The following IVD variants were observed in gnomAD, a reference collection of about 807,000 sequenced individuals.
IVD encodes isovaleryl-CoA dehydrogenase, mitochondrial.
Under a neutral mutation model 51.3 loss-of-function variants are expected in IVD, and 31 were observed. That is an observed-to-expected ratio of 0.60 (90% confidence interval 0.45 to 0.81). The LOEUF is 0.81. Among genes scored for constraint, IVD ranks in the 40% least tolerant of loss-of-function variants. The probability of loss-of-function intolerance (pLI) is 0.00; values close to 1 mark genes in which losing one functional copy is unlikely to be tolerated. For synonymous variants in IVD, 205 were observed against 219.4 expected (o/e 0.93, Z 0.58); for missense variants, 475 against 552.0 (o/e 0.86, Z 1.40).
chr15:40,410,777 A>G lies in IVD; in HGVS notation c.436A>G (p.Lys146Glu), dbSNP rs1448656950. The stretch of plus-strand genomic sequence containing the variant: ...TGTACGCAATGGGAATGAGGCCCAG[A>G]AAGAGAAGTATCTCCCGAAGGTGAG... ...QLVRNGNEAQ[K>E]EKYLPKLISG... The change falls in exon 4 of 12, where the codon AAA (lysine) becomes GAA (glutamate). Residue 146 changes from lysine to glutamate, a missense_variant. Coordinates refer to ENST00000487418, the MANE Select transcript of IVD (RefSeq NM_002225.5). 6 of 1,614,104 alleles carry G rather than the reference A, an allele frequency of 3.7e-6. No homozygotes were observed. Among genetic ancestry groups the G allele is most frequent in the African/African-American group, 1.3e-5 (1 of 74,948 alleles).
chr15:40,416,595 G>A (rs549212475), intron 11 of IVD, among the ~76,000 whole-genome samples: 3 of 152,166 alleles, frequency 2.0e-5, no homozygotes, highest in Non-Finnish European at 4.4e-5. Flanking sequence ...TACTTGGGAG[G>A]CTGAGGCAGG....
In IVD at chr15:40,415,197, GC is replaced by G. The variant is rs540524050; in HGVS notation, c.879-203del. ...AAGTAACAGACAAAAGGCCTGAGGA[GC>G]AGGGTGGCTTACTCGGCTGTGAAAC... On this transcript the variant is annotated intron_variant, in intron 8 of 11. Transcript: ENST00000487418. 81 of 735,186 alleles carry G rather than the reference GC, an allele frequency of 1.1e-4. 1 individual carries two copies. The South Asian group carries it at 1.3e-3, about 12-fold the overall frequency. The allele number at this position is 735,186 out of a possible 1,614,324, so 45.5% of individuals were successfully genotyped here. A position where few individuals can be genotyped will look rare whatever the true frequency, so the allele number is the denominator to read the frequency against.
rs1462756619 is a variant in IVD, at chr15:40,420,162, C to G, written c.*1899C>G. 4.1e-6 allele frequency: 4 copies of G among 985,722 alleles called. No individual in the cohort carries two copies. The highest frequency in any genetic ancestry group is 3.6e-6 in the Non-Finnish European group (3 of 830,156). 61.1% of individuals were successfully genotyped at this position (985,722 alleles called of 1,614,324 possible). On this transcript the variant is annotated 3_prime_UTR_variant, in exon 12 of 12. Coordinates refer to ENST00000487418, the MANE Select transcript of IVD (RefSeq NM_002225.5). ...TGCTGAGTCCGCAGGGGGGGCAGAG[C>G]AGAGGACAGCGTGCTTTTGTGTACT... is the stretch of plus-strand genomic sequence containing the variant.
chr15:40,421,632 A>G (rs1039896361), downstream of IVD, among the ~76,000 whole-genome samples: 3 of 152,222 alleles, frequency 2.0e-5, no homozygotes, highest in African/African-American at 7.2e-5. Context: ...ACCTAATCAC[A>G]TCCCCAAGGG....
intron 3 of IVD, 28 bp downstream of exon 3, chr15:40,408,018 A>G: frequency 6.2e-7 from 1 of 1,605,488 alleles, no homozygotes; most frequent in African/African-American, 1.3e-5. Flanking sequence ...CCCTAAAAAG[A>G]ACTTTTCTTA....
Position 40,419,209 on chromosome 15 carries a change from A to G in IVD, c.*946A>G. 1 of 1,289,406 alleles carries G rather than the reference A, an allele frequency of 7.8e-7. No individual in the cohort carries two copies. Among genetic ancestry groups the G allele is most frequent in the Non-Finnish European group, 1.0e-6 (1 of 988,876 alleles). 79.9% of individuals were successfully genotyped at this position (1,289,406 alleles called of 1,614,324 possible). A position where few individuals can be genotyped will look rare whatever the true frequency, so the allele number is the denominator to read the frequency against. ...TAGAGGTATCAGCTCCTAGCAGCTTATGAACACATATGCTTGCTTGGCCAG... is the reference window on the plus strand; with the variant it reads ...TAGAGGTATCAGCTCCTAGCAGCTTGTGAACACATATGCTTGCTTGGCCAG... On this transcript the variant is annotated 3_prime_UTR_variant, in exon 12 of 12. Transcript: ENST00000487418.
In IVD at chr15:40,405,928, C is replaced by G; in HGVS notation, c.101C>G (p.Pro34Arg). 1 of 1,613,024 alleles carries G rather than the reference C, an allele frequency of 6.2e-7. No individual in the cohort carries two copies. Among genetic ancestry groups the G allele is most frequent in the Non-Finnish European group, 8.5e-7 (1 of 1,179,798 alleles). ...TCCCAGCGGGCCCACTCGCTTTTGC[C>G]CGTGGACGATGCAATCAATGGGCTA... ...FVSQRAHSLL[P>R]VDDAINGLSE... is the part of the protein sequence containing the mutation. Residue 34 changes from proline to arginine, a missense_variant, in exon 1 of 12, where the codon CCC (proline) becomes CGC (arginine). Transcript: ENST00000487418.
downstream of IVD, chr15:40,435,746 G>C (rs1423793011): frequency 2.0e-6 from 2 of 985,302 alleles, no homozygotes; most frequent in Non-Finnish European, 2.4e-6. Flanking sequence ...CTGGTACTCG[G>C]CGCTTGGGGT....
chr15:40,415,190 C>T (rs1230510429), intron 8 of IVD: 4 of 744,200 alleles, frequency 5.4e-6, no homozygotes, highest in Non-Finnish European at 6.6e-6. Context: ...GACAAAAGGC[C>T]TGAGGAGCAG....
chr15:40,412,824 G>A lies in IVD; in HGVS notation c.688-167G>A, dbSNP rs118083810. 113 of 629,236 alleles carry A rather than the reference G, an allele frequency of 1.8e-4. 2 individuals carry two copies. In the East Asian group the frequency reaches 2.9e-3, roughly 16 times the overall value. The allele number at this position is 629,236 out of a possible 1,614,324, so 39.0% of individuals were successfully genotyped here. On this transcript the variant is annotated intron_variant, in intron 6 of 11. Coordinates refer to ENST00000487418, the MANE Select transcript of IVD (RefSeq NM_002225.5). The stretch of plus-strand genomic sequence containing the variant: ...GAGGAGGCTGGGATCAATCTGGGGC[G>A]TTAGCACCGGAAGGTCCCGGGGGGA...
intron 7 of IVD, among the ~76,000 whole-genome samples, chr15:40,413,947 G>A (rs1349822727): frequency 1.3e-5 from 2 of 151,950 alleles, no homozygotes; most frequent in Non-Finnish European, 2.9e-5. Flanking sequence ...TGCAACCTCC[G>A]CCCCCTGGGT....
In IVD at chr15:40,418,830, A is replaced by T; in HGVS notation, c.*567A>T. The T allele has an allele frequency of 1.0e-6, 1 of 980,956 alleles. No homozygotes were observed. The allele number at this position is 980,956 out of a possible 1,614,324, so 60.8% of individuals were successfully genotyped here. ...AACTTTCAGTCTCTTTTCTGGGGGAAAAAAATAATAAACCTAGCCTAGCCA... is the reference window on the plus strand; with the variant it reads ...AACTTTCAGTCTCTTTTCTGGGGGATAAAAATAATAAACCTAGCCTAGCCA... On this transcript the variant is annotated 3_prime_UTR_variant, in exon 12 of 12. Transcript: ENST00000487418.
At chr15:40,415,106 C>G in intron 8 of IVD, 124 bp downstream of exon 8, 1 of 1,126,954 alleles carries the variant, frequency 8.9e-7, no homozygotes, top group East Asian at 2.6e-5. Context: ...CCTGCTCTCT[C>G]CTGGGAGATG....
At chr15:40,411,378 C>G (rs767652612) in intron 5 of IVD, 25 bp downstream of exon 5, 1 of 1,611,308 alleles carries the variant, frequency 6.2e-7, no homozygotes, top group Non-Finnish European at 8.5e-7. Context: ...AACTTGGGAG[C>G]CAAAATGGGC....
downstream of IVD, among the ~76,000 whole-genome samples, chr15:40,429,275 G>A (rs999915514): frequency 2.0e-5 from 3 of 152,162 alleles, no homozygotes; most frequent in Non-Finnish European, 2.9e-5. Flanking sequence ...CAGCCCACAC[G>A]AGTGACCTGC....
intron 1 of IVD, chr15:40,406,476 C>A: frequency 1.7e-6 from 1 of 580,718 alleles, no homozygotes; most frequent in Non-Finnish European, 2.8e-6. Flanking sequence ...GGTCAAAACA[C>A]AAAAGTTGAA....
chr15:40,415,212 C>G, intron 8 of IVD, 189 bp from the exon 9 acceptor site: 1 of 733,120 alleles, frequency 1.4e-6, no homozygotes, highest in Non-Finnish European at 2.3e-6. Flanking sequence ...GTGGCTTACT[C>G]GGCTGTGAAA....
At position 40,418,497 on chromosome 15, in the gene IVD, G is replaced by T. The variant is rs1219811210; in HGVS notation, c.*234G>T. 7 of 1,354,614 alleles carry T rather than the reference G, an allele frequency of 5.2e-6. No homozygotes were observed. The highest frequency in any genetic ancestry group is 6.7e-6 in the Non-Finnish European group (7 of 1,047,170). 83.9% of individuals were successfully genotyped at this position (1,354,614 alleles called of 1,614,324 possible). A position where few individuals can be genotyped will look rare whatever the true frequency, so the allele number is the denominator to read the frequency against. The stretch of plus-strand genomic sequence containing the variant: ...TGATTTAAAATGGACTCAGCAGGAA[G>T]CATATTGTCTGGGGATTGTTGGGAC... On this transcript the variant is annotated 3_prime_UTR_variant, in exon 12 of 12. Transcript: ENST00000487418.
intron 1 of IVD, among the ~76,000 whole-genome samples, chr15:40,407,059 C>T (rs1003184760): frequency 1.3e-5 from 2 of 152,092 alleles, no homozygotes; most frequent in African/African-American, 4.8e-5. Context: ...GACGGAGTTT[C>T]TCCATGTTGG....
Sources: allele counts gnomAD v4.1 joint callset (sites outside exome capture counted in the v4.1 genomes callset), GRCh38; gene constraint gnomAD v4.1.1; transcripts MANE v1.5; gene names NCBI Gene and HGNC (gene_info 2026-07-23, HGNC 2026-07-21).